DCN: variants seen among roughly 807,000 people sequenced by gnomAD.
DCN encodes bone proteoglycan II.
In DCN, 17 loss-of-function variants were observed where a neutral mutation model predicts 36.5. The observed-to-expected ratio is 0.47, with a 90% confidence interval of 0.32 to 0.70. DCN has a LOEUF of 0.70. DCN is among the 30% of genes least tolerant of loss of function. The pLI is 0.04. For synonymous variants in DCN, 163 were observed against 161.4 expected (o/e 1.01, Z -0.07); for missense variants, 389 against 430.1 (o/e 0.90, Z 0.84).
intron 3 of DCN, among the ~76,000 whole-genome samples, chr12:91,159,450 T>C (rs1882019895): frequency 6.6e-6 from 1 of 152,138 alleles, no homozygotes; most frequent in African/African-American, 2.4e-5. Context: ...ATTTATTGTA[T>C]TTTTTGGAGA....
chr12:91,152,380 G>A (rs1438517916), intron 6 of DCN, among the ~76,000 whole-genome samples: 2 of 151,948 alleles, frequency 1.3e-5, no homozygotes, highest in Admixed American at 6.6e-5. Context: ...CAACAGGAAT[G>A]AGTAAATCTG....
At chr12:91,166,759 T>A (rs967447359) in intron 2 of DCN, among the ~76,000 whole-genome samples, 2 of 152,158 alleles carry the variant, frequency 1.3e-5, no homozygotes, top group Non-Finnish European at 2.9e-5. Flanking sequence ...TTTATATACA[T>A]CTTATTTCTA....
intron 5 of DCN, among the ~76,000 whole-genome samples, chr12:91,156,505 C>G (rs1303921587): frequency 6.6e-6 from 1 of 152,068 alleles, no homozygotes; most frequent in East Asian, 1.9e-4. Flanking sequence ...TTTTCAAAGT[C>G]TTTGAACCAC....
At chr12:91,158,906 G>A (rs1881977554) in intron 3 of DCN, among the ~76,000 whole-genome samples, 1 of 151,708 alleles carries the variant, frequency 6.6e-6, no homozygotes, top group Non-Finnish European at 1.5e-5. Flanking sequence ...AGGTTGCAGT[G>A]AGCTGAGATC....
In DCN at chr12:91,163,286, A is replaced by G. The variant is rs3138227; in HGVS notation, c.324+1319T>C. Among the ~76,000 whole-genome samples, 828 of 152,254 alleles carry G rather than the reference A, an allele frequency of 5.4e-3. 3 individuals are homozygous for G. Among genetic ancestry groups the G allele is most frequent in the African/African-American group, 0.019 (799 of 41,536 alleles). Reference sequence around the variant, plus strand: ...GGGTTGGTCATTTCCCTTGTATAGCATATTCTCTCCCAACTACCACAATAT... The same window carrying G: ...GGGTTGGTCATTTCCCTTGTATAGCGTATTCTCTCCCAACTACCACAATAT... On this transcript the variant is annotated intron_variant, in intron 3 of 7. Transcript: ENST00000052754.
intron 5 of DCN, among the ~76,000 whole-genome samples, chr12:91,155,832 G>A (rs1229082695): frequency 6.6e-6 from 1 of 152,136 alleles, no homozygotes; most frequent in Non-Finnish European, 1.5e-5. Flanking sequence ...TACTAAGGAA[G>A]TCAAAAGCAT....
intron 4 of DCN, among the ~76,000 whole-genome samples, chr12:91,157,753 C>T (rs552341624): frequency 1.3e-5 from 2 of 151,972 alleles, no homozygotes; most frequent in African/African-American, 4.8e-5. Flanking sequence ...CTCAGCCTCC[C>T]GAGTAGCTGG....
chr12:91,171,758 G>T (rs890322278), intron 2 of DCN, among the ~76,000 whole-genome samples: 1 of 152,120 alleles, frequency 6.6e-6, no homozygotes, highest in Non-Finnish European at 1.5e-5. Context: ...TATAAATCCC[G>T]GGTAACATTT....
intron 7 of DCN, among the ~76,000 whole-genome samples, chr12:91,148,784 A>G (rs1343376884): frequency 6.6e-6 from 1 of 151,300 alleles, no homozygotes; most frequent in Admixed American, 6.6e-5. Context: ...GGACATTCAC[A>G]TTCATGTGCT....
chr12:91,164,541 G>C lies in DCN; in HGVS notation c.324+64C>G, dbSNP rs182985515. ...TACATAGTACTCTTGGCCTTATCTA[G>C]GTAGTGTTTTGAAAAATACCTTGAG... On this transcript the variant is annotated intron_variant, in intron 3 of 7. Coordinates refer to ENST00000052754, the MANE Select transcript of DCN (RefSeq NM_001920.5). The C allele has an allele frequency of 7.6e-5, 64 of 845,690 alleles. 1 individual carries two copies. The East Asian group carries it at 1.6e-3, about 21-fold the overall frequency. The allele number at this position is 845,690 out of a possible 1,614,324, so 52.4% of individuals were successfully genotyped here.
intron 3 of DCN, among the ~76,000 whole-genome samples, chr12:91,160,514 C>G (rs1410496323): frequency 6.6e-6 from 1 of 151,992 alleles, no homozygotes; most frequent in Admixed American, 6.6e-5. Flanking sequence ...AGTGCACATA[C>G]TCAAGCCAGA....
At chr12:91,154,926 G>A (rs1881663836) in intron 5 of DCN, among the ~76,000 whole-genome samples, 1 of 152,050 alleles carries the variant, frequency 6.6e-6, no homozygotes, top group Admixed American at 6.5e-5. Context: ...CTAAATGACT[G>A]AGTTAGGTCT....
intron 2 of DCN, among the ~76,000 whole-genome samples, chr12:91,171,002 C>T (rs1882923998): frequency 6.6e-6 from 1 of 151,814 alleles, no homozygotes; most frequent in Non-Finnish European, 1.5e-5. Context: ...TAAATAATTC[C>T]TATTGATACT....
chr12:91,167,282 T>C (rs1289475543), intron 2 of DCN, among the ~76,000 whole-genome samples: 1 of 152,162 alleles, frequency 6.6e-6, no homozygotes. Flanking sequence ...ACTCTAGTTA[T>C]TATGAGTTCT....
chr12:91,146,799 T>C (rs1410679577), intron 7 of DCN, among the ~76,000 whole-genome samples: 2 of 152,226 alleles, frequency 1.3e-5, no homozygotes, highest in Non-Finnish European at 2.9e-5. Context: ...CTATATACAT[T>C]GTCATTATCC....
At chr12:91,167,009 T>C (rs903392262) in intron 2 of DCN, among the ~76,000 whole-genome samples, 3 of 152,210 alleles carry the variant, frequency 2.0e-5, no homozygotes, top group Non-Finnish European at 4.4e-5. Context: ...TAAGGCAGTA[T>C]GGTAATCTCA....
At chr12:91,173,826 C>T (rs1883124953) in intron 2 of DCN, among the ~76,000 whole-genome samples, 1 of 152,182 alleles carries the variant, frequency 6.6e-6, no homozygotes, top group Admixed American at 6.5e-5. Context: ...AAACCAGTTT[C>T]TCCAGCCAAG....
At chr12:91,167,883 C>A (rs1378603307) in intron 2 of DCN, among the ~76,000 whole-genome samples, 1 of 152,158 alleles carries the variant, frequency 6.6e-6, no homozygotes, top group Non-Finnish European at 1.5e-5. Context: ...CTCTGTCGCT[C>A]AGCCTGGAAT....
At position 91,145,267 on chromosome 12, in the gene DCN, A is replaced by C. The variant is rs1257009689; in HGVS notation, c.*791T>G. ...GCCTGATTACATGAAGTCACATGAT[A>C]GTTTTAATATTTATTTAGCAGAGGG... On this transcript the variant is annotated 3_prime_UTR_variant, in exon 8 of 8. Coordinates refer to ENST00000052754, the MANE Select transcript of DCN (RefSeq NM_001920.5). The C allele has an allele frequency of 6.6e-6, 1 of 152,218 alleles. No individual in the cohort carries two copies. The highest frequency in any genetic ancestry group is 1.5e-5 in the Non-Finnish European group (1 of 68,030). The allele number at this position is 152,218 out of a possible 1,614,324, so 9.4% of individuals were successfully genotyped here.
Sources: allele counts gnomAD v4.1 joint callset (sites outside exome capture counted in the v4.1 genomes callset), GRCh38; gene constraint gnomAD v4.1.1; transcripts MANE v1.5; gene names NCBI Gene and HGNC (gene_info 2026-07-23, HGNC 2026-07-21).